Variants in NALCN observed in about 807,000 individuals in gnomAD.
NALCN encodes the protein sodium leak channel NALCN.
In NALCN, 111 loss-of-function variants were observed where a neutral mutation model predicts 225.3. The ratio of observed to expected loss-of-function variants is 0.49; its 90% confidence interval spans 0.42 to 0.58. The LOEUF (loss-of-function observed/expected upper bound fraction) is 0.58. NALCN is among the 20% of genes least tolerant of loss of function. NALCN has a pLI of 0.00. For missense variants in NALCN, 1,378 were observed against 2,202.4 expected, an observed-to-expected ratio of 0.63 and a Z score of 7.49; for synonymous variants, 764 against 769.0, an observed-to-expected ratio of 0.99 and a Z score of 0.11.
intron 7 of NALCN, among the ~76,000 whole-genome samples, chr13:101,329,336 G>T (rs1189429097): frequency 1.3e-5 from 2 of 152,108 alleles, no homozygotes; most frequent in Admixed American, 1.3e-4. Flanking sequence ...GAAAGCATTT[G>T]AATATTTGCT....
chr13:101,379,415 A>G (rs186396894), intron 3 of NALCN, among the ~76,000 whole-genome samples: 106 of 152,326 alleles, frequency 7.0e-4, no homozygotes, highest in Admixed American at 1.8e-3. Flanking sequence ...ACACATGCAC[A>G]CGTATGTTTA....
intron 3 of NALCN, among the ~76,000 whole-genome samples, chr13:101,379,157 C>G (rs548840240): frequency 1.3e-5 from 2 of 152,238 alleles, no homozygotes; most frequent in South Asian, 4.1e-4. Context: ...CAAATCAAAA[C>G]CACAATGAGA....
chr13:101,259,910 G>A (rs1218182804), intron 10 of NALCN, among the ~76,000 whole-genome samples: 2 of 151,858 alleles, frequency 1.3e-5, no homozygotes, highest in East Asian at 1.9e-4. Context: ...ATTTTAAAAT[G>A]TACAGTTATT....
chr13:101,057,786 G>GT (rs981563322), intron 43 of NALCN, 153 bp downstream of exon 43: 2 of 696,574 alleles, frequency 2.9e-6, no homozygotes, highest in Non-Finnish European at 5.1e-6. Flanking sequence ...GGGGGACAAT[G>GT]TTTTTGACAA....
chr13:101,354,142 G>A (rs1173507314), intron 6 of NALCN, among the ~76,000 whole-genome samples: 2 of 152,144 alleles, frequency 1.3e-5, no homozygotes, highest in Admixed American at 6.5e-5. Flanking sequence ...TCAGGAATTC[G>A]AGACCAGCCT....
intron 33 of NALCN, 82 bp downstream of exon 33, chr13:101,082,727 G>A: frequency 7.3e-7 from 1 of 1,371,494 alleles, no homozygotes; most frequent in South Asian, 1.2e-5. Context: ...AGAGAGGAGA[G>A]TAAGTGGCAT....
Position 101,061,677 on chromosome 13 carries a change from C to T in NALCN, c.4755+291G>A, listed in dbSNP as rs7334650. On this transcript the variant is annotated intron_variant, in intron 41 of 43. Coordinates refer to ENST00000251127, the MANE Select transcript of NALCN (RefSeq NM_052867.4). ...GGGATTACAGGCATGAGCCACCACA[C>T]CTGGCCAATAAACTGCTTTTTAAGT... Among the ~76,000 whole-genome samples, 22,315 of 152,172 alleles carry T rather than the reference C, an allele frequency of 0.15. 1,965 individuals carry two copies. Among genetic ancestry groups the T allele is most frequent in the Non-Finnish European group, 0.2 (13,938 of 67,994 alleles).
rs2041813857 is a variant in NALCN, at chr13:101,243,746, G to A, written c.1267-5824C>T. Among the ~76,000 whole-genome samples, 2 of 103,954 alleles carry A rather than the reference G, an allele frequency of 1.9e-5. 1 individual carries two copies. Among genetic ancestry groups the A allele is most frequent in the Non-Finnish European group, 4.3e-5 (2 of 46,772 alleles). 68.2% of individuals were successfully genotyped at this position (103,954 alleles called of 152,430 possible). A position where few individuals can be genotyped will look rare whatever the true frequency, so the allele number is the denominator to read the frequency against. ...CATTTATTGACCCCCTTCTCCACCT[G>A]GAGTAATTCAGTCTCTAGTGAGCTT... On this transcript the variant is annotated intron_variant, in intron 11 of 43. Coordinates refer to ENST00000251127, the MANE Select transcript of NALCN (RefSeq NM_052867.4).
intron 7 of NALCN, among the ~76,000 whole-genome samples, chr13:101,320,393 T>G (rs2044704144): frequency 6.6e-6 from 1 of 152,224 alleles, no homozygotes; most frequent in Non-Finnish European, 1.5e-5. Flanking sequence ...ATATTTCTGT[T>G]TTAGAAGGAA....
intron 17 of NALCN, among the ~76,000 whole-genome samples, chr13:101,134,493 G>T (rs1349895765): frequency 6.6e-6 from 1 of 152,080 alleles, no homozygotes; most frequent in Non-Finnish European, 1.5e-5. Flanking sequence ...TGCATTGTTG[G>T]TGCTTGAAAT....
intron 7 of NALCN, among the ~76,000 whole-genome samples, chr13:101,307,704 C>T (rs2044199731): frequency 6.6e-6 from 1 of 152,142 alleles, no homozygotes; most frequent in Non-Finnish European, 1.5e-5. Flanking sequence ...GGTGAAATTT[C>T]CTTCCTGCAT....
chr13:101,397,632 TTA>T (rs1288430313), intron 2 of NALCN, among the ~76,000 whole-genome samples: 2 of 151,414 alleles, frequency 1.3e-5, no homozygotes, highest in African/African-American at 4.8e-5. Context: ...TGTTATATGT[TTA>T]TATGTATGTG....
At chr13:101,165,341 G>A (rs780710533) in intron 15 of NALCN, among the ~76,000 whole-genome samples, 12 of 152,056 alleles carry the variant, frequency 7.9e-5, no homozygotes, top group African/African-American at 2.4e-4. Context: ...CTGTATCATC[G>A]AAGGCCCTGA....
intron 6 of NALCN, among the ~76,000 whole-genome samples, chr13:101,346,112 T>TATA (rs59022634): frequency 7.1e-6 from 1 of 141,414 alleles, no homozygotes; most frequent in Non-Finnish European, 1.5e-5. Context: ...TATATATATA[T>TATA]GATGTTATTT....
chr13:101,147,859 C>T (rs1364215732), intron 15 of NALCN, among the ~76,000 whole-genome samples: 1 of 152,104 alleles, frequency 6.6e-6, no homozygotes, highest in Non-Finnish European at 1.5e-5. Context: ...CTGTGCCTCC[C>T]CCACCTCTGC....
chr13:101,295,569 T>G (rs776191895), intron 7 of NALCN, among the ~76,000 whole-genome samples: 20 of 152,176 alleles, frequency 1.3e-4, no homozygotes, highest in Non-Finnish European at 2.5e-4. Context: ...GCCTTGAAAC[T>G]TCTACTCCAT....
At chr13:101,101,285 T>TTC (rs1453789451) in intron 26 of NALCN, among the ~76,000 whole-genome samples, 7 of 140,828 alleles carry the variant, frequency 5.0e-5, no homozygotes, top group Non-Finnish European at 9.3e-5. Flanking sequence ...TTTTTTCTTT[T>TTC]TTTTTTTTTT....
intron 11 of NALCN, among the ~76,000 whole-genome samples, chr13:101,254,040 G>A (rs1418432598): frequency 6.6e-6 from 1 of 152,096 alleles, no homozygotes; most frequent in Non-Finnish European, 1.5e-5. Flanking sequence ...AATGTAATCT[G>A]AATAAAAACG....
chr13:101,200,262 T>A (rs2040064028), intron 13 of NALCN, among the ~76,000 whole-genome samples: 1 of 152,146 alleles, frequency 6.6e-6, no homozygotes, highest in South Asian at 2.1e-4. Context: ...ATGGCAAATC[T>A]ATTCTTCAAG....
Sources: allele counts gnomAD v4.1 joint callset (sites outside exome capture counted in the v4.1 genomes callset), GRCh38; gene constraint gnomAD v4.1.1; transcripts MANE v1.5; gene names NCBI Gene and HGNC (gene_info 2026-07-23, HGNC 2026-07-21).